SCARA5: variants seen among roughly 807,000 people sequenced by gnomAD.
SCARA5 encodes the protein scavenger receptor class A, member 5 (putative).
SCARA5 carries 45 observed loss-of-function variants against 46.3 expected under a neutral mutation model. That is an observed-to-expected ratio of 0.97 (90% CI 0.76 to 1.24). The LOEUF (loss-of-function observed/expected upper bound fraction) is 1.24, where lower values mean the gene tolerates loss of function less well. Among genes scored for constraint, SCARA5 ranks in the 50% most tolerant of loss-of-function variants. SCARA5 has a pLI of 0.00. For synonymous variants in SCARA5, 333 were observed against 306.5 expected (o/e 1.09, Z -0.90); for missense variants, 680 against 689.0 (o/e 0.99, Z 0.15).
chr8:27,973,346 G>A (rs1808475556), intron 2 of SCARA5, among the ~76,000 whole-genome samples: 1 of 152,034 alleles, frequency 6.6e-6, no homozygotes, highest in African/African-American at 2.4e-5. Flanking sequence ...GCTTGGTGGT[G>A]CAGGCCTGTA....
chr8:27,983,617 G>T (rs1199722846), intron 2 of SCARA5, among the ~76,000 whole-genome samples: 1 of 152,150 alleles, frequency 6.6e-6, no homozygotes, highest in East Asian at 1.9e-4. Context: ...AGACTTCTGG[G>T]ACATCTGCCA....
At chr8:27,907,082 A>G in intron 6 of SCARA5, 66 bp downstream of exon 6, 4 of 1,153,596 alleles carry the variant, frequency 3.5e-6, no homozygotes, top group Non-Finnish European at 5.1e-6. Flanking sequence ...CTGGTCCCCC[A>G]TGCCAATGCC....
chr8:27,954,290 C>T (rs906831880), intron 3 of SCARA5, among the ~76,000 whole-genome samples: 1 of 152,142 alleles, frequency 6.6e-6, no homozygotes, highest in African/African-American at 2.4e-5. Context: ...CAGAAGATTC[C>T]TGTGACCTCT....
Position 27,879,627 on chromosome 8 carries a change from G to A in SCARA5, c.1293C>T (p.Cys431=), listed in dbSNP as rs138986901. The change falls in exon 8 of 9, where the codon TGC becomes TGT. Residue 431 remains cysteine (C), a synonymous_variant. Coordinates refer to ENST00000354914, the MANE Select transcript of SCARA5 (RefSeq NM_173833.6). ...GWDKKDGDVV[C]RMLGFRGVEE... is the part of the protein sequence containing the mutation. The stretch of plus-strand genomic sequence containing the variant: ...CCACACCGCGGAAGCCGAGCATGCG[G>A]CACACCACGTCTCCGTCCTTCTTGT... 1.4e-4 allele frequency: 222 copies of A among 1,611,934 alleles called. No individual in the cohort carries two copies. In the African/African-American group the frequency reaches 2.7e-3, roughly 19 times the overall value.
intron 2 of SCARA5, among the ~76,000 whole-genome samples, chr8:27,986,013 CCT>C (rs1311657382): frequency 6.6e-6 from 1 of 152,186 alleles, no homozygotes. Flanking sequence ...CCCTCCCACC[CCT>C]GAGGCCCCCC....
intron 4 of SCARA5, among the ~76,000 whole-genome samples, chr8:27,910,892 G>A (rs1249652484): frequency 6.6e-6 from 1 of 152,186 alleles, no homozygotes; most frequent in Non-Finnish European, 1.5e-5. Flanking sequence ...TACATGATTG[G>A]ATACAGTCCC....
chr8:27,935,200 T>C (rs1283622566), intron 3 of SCARA5, among the ~76,000 whole-genome samples: 1 of 152,136 alleles, frequency 6.6e-6, no homozygotes, highest in East Asian at 1.9e-4. Context: ...TTTTAAGCTG[T>C]CTCATTGGTG....
At chr8:27,896,272 A>G (rs1449963771) in intron 7 of SCARA5, among the ~76,000 whole-genome samples, 1 of 152,136 alleles carries the variant, frequency 6.6e-6, no homozygotes, top group Admixed American at 6.5e-5. Context: ...TTGAAGGCTC[A>G]GGTTCATGTG....
chr8:27,945,080 A>C (rs1808013196), intron 3 of SCARA5, among the ~76,000 whole-genome samples: 1 of 152,024 alleles, frequency 6.6e-6, no homozygotes, highest in South Asian at 2.1e-4. Flanking sequence ...TAGGAGGATC[A>C]TCTGAGTTCA....
At chr8:27,913,065 T>G (rs945090342) in intron 4 of SCARA5, among the ~76,000 whole-genome samples, 1 of 152,346 alleles carries the variant, frequency 6.6e-6, no homozygotes, top group Admixed American at 6.5e-5. Flanking sequence ...AGAACCATTA[T>G]AGGATGACAA....
At chr8:27,880,735 G>C (rs1445565594) in intron 7 of SCARA5, among the ~76,000 whole-genome samples, 2 of 151,758 alleles carry the variant, frequency 1.3e-5, no homozygotes, top group East Asian at 1.9e-4. Flanking sequence ...CATGCCTGTG[G>C]TGCTAGCTAC....
chr8:27,917,496 C>T (rs762566053), intron 4 of SCARA5, among the ~76,000 whole-genome samples: 12 of 152,186 alleles, frequency 7.9e-5, no homozygotes, highest in Non-Finnish European at 1.6e-4. Flanking sequence ...ACAGGGAACA[C>T]GCTTTCCTCT....
intron 2 of SCARA5, among the ~76,000 whole-genome samples, chr8:27,980,695 A>C (rs1237327153): frequency 1.3e-5 from 2 of 152,166 alleles, no homozygotes; most frequent in African/African-American, 4.8e-5. Context: ...AGCAAACCTC[A>C]GGGGGCCCCT....
chr8:27,889,477 T>C (rs1346427826), intron 7 of SCARA5, among the ~76,000 whole-genome samples: 1 of 152,024 alleles, frequency 6.6e-6, no homozygotes, highest in Non-Finnish European at 1.5e-5. Context: ...CTTACCCAAG[T>C]CATCCCGTAG....
intron 3 of SCARA5, among the ~76,000 whole-genome samples, chr8:27,923,533 A>G (rs1005671395): frequency 6.6e-6 from 1 of 151,926 alleles, no homozygotes; most frequent in South Asian, 2.1e-4. Flanking sequence ...TGCATCTTCT[A>G]CTTCTTTGTG....
rs1351439427 is a variant in SCARA5 at position 27,921,858 on chromosome 8, G to A, written c.629C>T (p.Ala210Val). 7.9e-6 allele frequency: 12 copies of A among 1,520,816 alleles called. 1 individual carries two copies. The South Asian group carries it at 8.9e-5, about 11-fold the overall frequency. 94.2% of individuals were successfully genotyped at this position (1,520,816 alleles called of 1,614,324 possible). The change falls in exon 4 of 9, where the codon GCG (alanine) becomes GTG (valine). Residue 210 changes from alanine (A) to valine (V), a missense_variant. By Grantham distance (64) the Ala-to-Val change is moderately conservative. This residue lies in a region of SCARA5 where 438 missense variants were observed against 384.5 expected (regional missense o/e 1.14). Transcript: ENST00000354914. The stretch of plus-strand genomic sequence containing the variant: ...CTCGCCCAGGATGCCCACCCTGCGC[G>A]CCAGCCCGTCCAGCAGGCCCGCGTG... Reference protein sequence around the residue: ...RRHAGLLDGLARRVGILGEEL... With the variant: ...RRHAGLLDGLVRRVGILGEEL...
In SCARA5 at chr8:27,900,367, AG is replaced by A. The variant is rs538410759; in HGVS notation, c.1153+4410del. ...GAGACAGAAACATCTCAGCAGCTGC[AG>A]GGAAAACTGTTTAGAAACTTCCTCC... is the stretch of plus-strand genomic sequence containing the variant. On this transcript the variant is annotated intron_variant, in intron 7 of 8. Coordinates refer to ENST00000354914, the MANE Select transcript of SCARA5 (RefSeq NM_173833.6). Among the ~76,000 whole-genome samples, 19 of 152,314 alleles carry A rather than the reference AG, an allele frequency of 1.2e-4. No homozygotes were observed. In the East Asian group the frequency reaches 3.7e-3, roughly 29 times the overall value.
intron 3 of SCARA5, among the ~76,000 whole-genome samples, chr8:27,939,942 G>C (rs1159669846): frequency 6.6e-6 from 1 of 152,188 alleles, no homozygotes; most frequent in Non-Finnish European, 1.5e-5. Flanking sequence ...AGACTCCCTA[G>C]GTTGCGTTAG....
At chr8:27,902,783 A>G (rs1480317222) in intron 7 of SCARA5, among the ~76,000 whole-genome samples, 5 of 152,052 alleles carry the variant, frequency 3.3e-5, no homozygotes, top group Admixed American at 6.6e-5. Context: ...CCTTTAGACA[A>G]AAGGGATCAG....
Sources: gnomAD v4.1 joint callset for allele counts (sites outside exome capture counted in the v4.1 genomes callset) on GRCh38, gnomAD v4.1.1 for gene constraint, gnomAD v4.1.1 regional missense constraint, MANE v1.5 for transcripts, NCBI Gene and HGNC (gene_info 2026-07-23, HGNC 2026-07-21) for gene names.